Variants in UGT2A2 observed in about 807,000 individuals in gnomAD.
UGT2A2 encodes UDP-glucuronosyltransferase 2A2.
UGT2A2 carries 60 observed loss-of-function variants against 50.7 expected under a neutral mutation model. The observed-to-expected ratio is 1.18, with a 90% CI of 0.96 to 1.47. The LOEUF is 1.47. Among genes scored for constraint, UGT2A2 ranks in the 40% most tolerant of loss-of-function variants. UGT2A2 has a pLI of 0.00. For synonymous variants in UGT2A2, 242 were observed against 214.6 expected (o/e 1.13, Z -1.11); for missense variants, 762 against 634.0 (o/e 1.20, Z -2.17).
At chr4:69,617,143 A>G (rs1025554194) in intron 1 of UGT2A2, among the ~76,000 whole-genome samples, 25 of 151,892 alleles carry the variant, frequency 1.6e-4, no homozygotes, top group African/African-American at 5.3e-4. Context: ...ACAATAAACT[A>G]TGTGTAAAAG....
intron 1 of UGT2A2, 92 bp from the exon 2 acceptor site, chr4:69,599,486 T>A: frequency 2.6e-6 from 4 of 1,558,324 alleles, no homozygotes; most frequent in Non-Finnish European, 3.4e-6. Context: ...TGATAAGCTG[T>A]TAAGAAAAAA....
At position 69,639,298 on chromosome 4, in the gene UGT2A2, C is replaced by A; in HGVS notation, c.343G>T (p.Ala115Ser). ...AGTTTTCCTAGTTCTTTGTAGAAAGCCCATATTGTGAGAGGAGTTGGTCTA... is the reference window on the plus strand; with the variant it reads ...AGTTTTCCTAGTTCTTTGTAGAAAGACCATATTGTGAGAGGAGTTGGTCTA... ...DHRPTPLTIWAFYKELGKLLD... is the reference protein window; with the variant it reads ...DHRPTPLTIWSFYKELGKLLD... Residue 115 changes from alanine (A) to serine (S), a missense_variant, in exon 1 of 6, where the codon GCT becomes TCT. By Grantham distance (99) the Ala-to-Ser change is moderately conservative (BLOSUM62 1). Coordinates refer to ENST00000604629, the MANE Select transcript of UGT2A2 (RefSeq NM_001105677.2). 1 of 1,613,672 alleles carries A rather than the reference C, an allele frequency of 6.2e-7. No individual in the cohort carries two copies. Among genetic ancestry groups the A allele is most frequent in the East Asian group, 2.2e-5 (1 of 44,874 alleles).
At chr4:69,631,003 T>A (rs979930248) in intron 1 of UGT2A2, among the ~76,000 whole-genome samples, 1 of 152,182 alleles carries the variant, frequency 6.6e-6, no homozygotes, top group African/African-American at 2.4e-5. Flanking sequence ...TGTGATAGGA[T>A]GTCCCAGCTC....
chr4:69,622,799 A>C (rs1298879289), intron 1 of UGT2A2, among the ~76,000 whole-genome samples: 1 of 151,768 alleles, frequency 6.6e-6, no homozygotes, highest in Non-Finnish European at 1.5e-5. Flanking sequence ...TAGACGTTCA[A>C]GGTCCTCAAA....
At chr4:69,611,788 T>G (rs112607992) in intron 1 of UGT2A2, among the ~76,000 whole-genome samples, 1 of 152,144 alleles carries the variant, frequency 6.6e-6, no homozygotes, top group Admixed American at 6.6e-5. Flanking sequence ...TAGTAAAACT[T>G]GAATGGTTCA....
At chr4:69,637,327 G>T (rs1490959506) in intron 1 of UGT2A2, among the ~76,000 whole-genome samples, 1 of 151,946 alleles carries the variant, frequency 6.6e-6, no homozygotes, top group African/African-American at 2.4e-5. Context: ...CAAATTCTAA[G>T]AAAAAGTTGA....
rs1231581921 is a variant in UGT2A2 at position 69,589,580 on chromosome 4, A to C, written c.1403T>G (p.Val468Gly). ...DQPVKPLDRAVFWIEFVMRHK... is the reference protein window; with the variant it reads ...DQPVKPLDRAGFWIEFVMRHK... ...GCGCATGACAAACTCGATCCAGAAG[A>C]CTGCTCGATCCAGGGGCTTTACAGG... Residue 468 changes from valine (V) to glycine (G), a missense_variant, in exon 6 of 6, where the codon GTC (valine) becomes GGC (glycine). Physicochemically the swap from Val to Gly is moderately radical, Grantham distance 109 (BLOSUM62 -3). Coordinates refer to ENST00000604629, the MANE Select transcript of UGT2A2 (RefSeq NM_001105677.2). The C allele has an allele frequency of 6.2e-7, 1 of 1,613,908 alleles. No homozygotes were observed. Among genetic ancestry groups the C allele is most frequent in the Non-Finnish European group, 8.5e-7 (1 of 1,179,940 alleles).
intron 1 of UGT2A2, among the ~76,000 whole-genome samples, chr4:69,621,658 C>G (rs1159324561): frequency 6.6e-6 from 1 of 151,782 alleles, no homozygotes; most frequent in African/African-American, 2.4e-5. Flanking sequence ...TGGGTATACA[C>G]CGAAAGGAAT....
chr4:69,599,694 A>AG (rs1560470150), intron 1 of UGT2A2: 63 of 200,476 alleles, frequency 3.1e-4, no homozygotes, highest in African/African-American at 5.0e-4. Context: ...AGAAATAAAG[A>AG]AAGAGAGAGA....
chr4:69,589,166 T>A lies in UGT2A2; in HGVS notation c.*206A>T. The A allele has an allele frequency of 1.8e-6, 1 of 565,988 alleles. No homozygotes were observed. Among genetic ancestry groups the A allele is most frequent in the East Asian group, 3.6e-5 (1 of 27,650 alleles). 35.1% of individuals were successfully genotyped at this position (565,988 alleles called of 1,614,324 possible). On this transcript the variant is annotated 3_prime_UTR_variant, in exon 6 of 6. Coordinates refer to ENST00000604629, the MANE Select transcript of UGT2A2 (RefSeq NM_001105677.2). ...TCAGCAGGGAGAGACAAAGGAAAAA[T>A]AGAAGACTATAACTCACAAGTTAAT...
At chr4:69,626,475 C>T (rs929710937) in intron 1 of UGT2A2, among the ~76,000 whole-genome samples, 5 of 151,506 alleles carry the variant, frequency 3.3e-5, no homozygotes, top group Non-Finnish European at 7.4e-5. Flanking sequence ...TCCTTACATT[C>T]GTGTGCAGAT....
At chr4:69,622,541 A>T (rs936455044) in intron 1 of UGT2A2, among the ~76,000 whole-genome samples, 22 of 151,762 alleles carry the variant, frequency 1.4e-4, no homozygotes, top group African/African-American at 5.3e-4. Context: ...TATATAATAG[A>T]CTCAGGGAAT....
intron 1 of UGT2A2, among the ~76,000 whole-genome samples, chr4:69,638,329 C>T (rs985672730): frequency 2.0e-5 from 3 of 152,024 alleles, no homozygotes; most frequent in East Asian, 1.9e-4. Flanking sequence ...GTTTGATTCT[C>T]ATAAGGAATG....
intron 1 of UGT2A2, among the ~76,000 whole-genome samples, chr4:69,634,875 C>T (rs1721588533): frequency 6.6e-6 from 1 of 152,050 alleles, no homozygotes; most frequent in Non-Finnish European, 1.5e-5. Context: ...GCCCATTACC[C>T]TCATTTTTAT....
At chr4:69,600,960 A>T (rs2109894068) in intron 1 of UGT2A2, among the ~76,000 whole-genome samples, 1 of 152,256 alleles carries the variant, frequency 6.6e-6, no homozygotes, top group Admixed American at 6.5e-5. Context: ...TCACAATTTG[A>T]CATAAGACTT....
intron 1 of UGT2A2, among the ~76,000 whole-genome samples, chr4:69,620,225 T>C (rs555590843): frequency 7.9e-5 from 12 of 152,028 alleles, no homozygotes; most frequent in Non-Finnish European, 1.6e-4. Context: ...ATTCTATATG[T>C]AGAAAACCCC....
chr4:69,589,592 A>AG lies in UGT2A2; in HGVS notation c.1390dup (p.Leu464ProfsTer26), dbSNP rs781529026. On this transcript the variant is annotated frameshift_variant, in exon 6 of 6. Transcript: ENST00000604629. LOFTEE classifies it high-confidence loss of function. The stretch of plus-strand genomic sequence containing the variant: ...CTCGATCCAGAAGACTGCTCGATCC[A>AG]GGGGCTTTACAGGTTGATCATGGTG... 6.2e-6 allele frequency: 10 copies of AG among 1,613,904 alleles called. No homozygotes were observed. The African/African-American group carries it at 1.2e-4, about 19-fold the overall frequency.
chr4:69,622,267 C>A (rs949274694), intron 1 of UGT2A2, among the ~76,000 whole-genome samples: 40 of 150,736 alleles, frequency 2.7e-4, no homozygotes, highest in South Asian at 1.3e-3. Flanking sequence ...AAATACATAA[C>A]AAAGTAATAA....
In UGT2A2 at chr4:69,605,412, A is replaced by T. The variant is rs1426485326; in HGVS notation, c.743-6018T>A. Among the ~76,000 whole-genome samples, 2 of 137,140 alleles carry T rather than the reference A, an allele frequency of 1.5e-5. 1 individual carries two copies. Among genetic ancestry groups the T allele is most frequent in the African/African-American group, 5.9e-5 (2 of 33,804 alleles). 90.0% of individuals were successfully genotyped at this position (137,140 alleles called of 152,430 possible). A position where few individuals can be genotyped will look rare whatever the true frequency, so the allele number is the denominator to read the frequency against. ...CAACATACCAGAATCTCTGGGACAC[A>T]TTCAAAGCAGTGTGTAGAGGGAAAT... On this transcript the variant is annotated intron_variant, in intron 1 of 5. Transcript: ENST00000604629.
Sources: gnomAD v4.1 joint callset for allele counts (sites outside exome capture counted in the v4.1 genomes callset) on GRCh38, gnomAD v4.1.1 for gene constraint, MANE v1.5 for transcripts, NCBI Gene and HGNC (gene_info 2026-07-23, HGNC 2026-07-21) for gene names.